Variants in RFX6 observed in about 807,000 individuals in gnomAD.
RFX6 encodes the protein DNA-binding protein RFX6.
In RFX6, 50 loss-of-function variants were observed where a neutral mutation model predicts 110.8. The observed-to-expected ratio is 0.45, with a 90% confidence interval of 0.36 to 0.57. The LOEUF (loss-of-function observed/expected upper bound fraction) is 0.57, where lower values mean the gene tolerates loss of function less well. RFX6 is among the 20% of genes least tolerant of loss of function. The pLI, the probability that RFX6 is intolerant of heterozygous loss-of-function variation, is 0.00. For synonymous variants in RFX6, 383 were observed against 411.2 expected (o/e 0.93, Z 0.83); for missense variants, 990 against 1,127.0 (o/e 0.88, Z 1.74).
At chr6:116,896,503 C>T (rs917870254) in intron 6 of RFX6, among the ~76,000 whole-genome samples, 5 of 152,040 alleles carry the variant, frequency 3.3e-5, no homozygotes, top group Non-Finnish European at 7.4e-5. Context: ...TTTCATAACA[C>T]AATTGAAATT....
chr6:116,890,207 C>T (rs1441692028), intron 4 of RFX6, among the ~76,000 whole-genome samples: 1 of 152,098 alleles, frequency 6.6e-6, no homozygotes, highest in Non-Finnish European at 1.5e-5. Context: ...AAACCCATAA[C>T]ATTTTTAAAC....
At position 116,925,897 on chromosome 6, in the gene RFX6, ATTAG is replaced by A. The variant is rs66592749; in HGVS notation, c.1885+242_1885+245del. ...ATAAATTATATTAGAAGTATGAATA[ATTAG>A]TTAATTTAGTGGAAGAAATAATTAG... On this transcript the variant is annotated intron_variant, in intron 16 of 18. Coordinates refer to ENST00000332958, the MANE Select transcript of RFX6 (RefSeq NM_173560.4). Among the ~76,000 whole-genome samples the A allele has an allele frequency of 0.24, 36,790 of 151,964 alleles. 4,790 individuals carry two copies. Among genetic ancestry groups the A allele is most frequent in the South Asian group, 0.42 (2,016 of 4,824 alleles).
chr6:116,929,589 A>G (rs1299962332), intron 18 of RFX6, among the ~76,000 whole-genome samples: 3 of 152,214 alleles, frequency 2.0e-5, no homozygotes, highest in Admixed American at 6.5e-5. Flanking sequence ...CAACCAGGTT[A>G]CATTTCTTAA....
At chr6:116,930,918 A>C (rs969844117) in intron 18 of RFX6, among the ~76,000 whole-genome samples, 1 of 152,130 alleles carries the variant, frequency 6.6e-6, no homozygotes, top group Non-Finnish European at 1.5e-5. Flanking sequence ...CTTCAGCAAT[A>C]TCATTCTGGT....
intron 6 of RFX6, among the ~76,000 whole-genome samples, chr6:116,902,127 A>C (rs1775088497): frequency 6.6e-6 from 1 of 152,064 alleles, no homozygotes; most frequent in East Asian, 1.9e-4. Flanking sequence ...AGTTTTAAAG[A>C]ACAGTATAAT....
chr6:116,902,465 A>G (rs1485165211), intron 6 of RFX6, among the ~76,000 whole-genome samples: 1 of 152,092 alleles, frequency 6.6e-6, no homozygotes, highest in Non-Finnish European at 1.5e-5. Context: ...TAAAATTTTT[A>G]TTCATAAATG....
chr6:116,928,428 T>C (rs1775801714), intron 17 of RFX6, among the ~76,000 whole-genome samples: 1 of 152,146 alleles, frequency 6.6e-6, no homozygotes, highest in African/African-American at 2.4e-5. Context: ...AGGTAGATCT[T>C]GTTAATTTAG....
At chr6:116,920,285 T>C (rs1240785286) in intron 11 of RFX6, 25 bp from the exon 12 acceptor site, 1 of 1,587,388 alleles carries the variant, frequency 6.3e-7, no homozygotes, top group Non-Finnish European at 8.7e-7. Context: ...TATAGTGTAG[T>C]GTCTTCTTTA....
Position 116,919,252 on chromosome 6 carries a change from G to GT in RFX6, c.1139dup (p.Ser381IlefsTer22), listed in dbSNP as rs1483596085. On this transcript the variant is annotated frameshift_variant, in exon 11 of 19. Coordinates refer to ENST00000332958, the MANE Select transcript of RFX6 (RefSeq NM_173560.4). LOFTEE classifies it high-confidence loss of function. ...GAAAATACCTATTGTGCGAAGATTT[G>GT]TATCTTCTCTGAAACGACAAACATC... The GT allele has an allele frequency of 1.2e-6, 2 of 1,613,358 alleles. No individual in the cohort carries two copies. The highest frequency in any genetic ancestry group is 1.7e-6 in the Non-Finnish European group (2 of 1,179,422).
intron 4 of RFX6, among the ~76,000 whole-genome samples, chr6:116,891,445 C>T (rs566513201): frequency 1.3e-5 from 2 of 152,306 alleles, no homozygotes; most frequent in African/African-American, 4.8e-5. Context: ...CAACGTTTAA[C>T]ATGTATTTCT....
At chr6:116,911,589 A>T (rs572666015) in intron 7 of RFX6, among the ~76,000 whole-genome samples, 1 of 152,210 alleles carries the variant, frequency 6.6e-6, no homozygotes, top group African/African-American at 2.4e-5. Context: ...ATAATTCTCA[A>T]TATGACTTTT....
At chr6:116,879,211 T>C (rs1774533687) in intron 2 of RFX6, among the ~76,000 whole-genome samples, 1 of 151,966 alleles carries the variant, frequency 6.6e-6, no homozygotes, top group African/African-American at 2.4e-5. Flanking sequence ...AGAAAAAACT[T>C]GTACCCCAAA....
At chr6:116,924,344 C>T (rs1775664163) in intron 14 of RFX6, among the ~76,000 whole-genome samples, 2 of 152,282 alleles carry the variant, frequency 1.3e-5, no homozygotes, top group African/African-American at 4.8e-5. Context: ...TTATCACACT[C>T]CAATGTGTGC....
At chr6:116,880,259 G>C (rs1301181669) in intron 2 of RFX6, among the ~76,000 whole-genome samples, 2 of 152,020 alleles carry the variant, frequency 1.3e-5, no homozygotes, top group Non-Finnish European at 2.9e-5. Context: ...GATGAACCAT[G>C]AGGTTTATAT....
intron 4 of RFX6, among the ~76,000 whole-genome samples, chr6:116,893,348 T>A (rs575465888): frequency 5.3e-5 from 8 of 152,240 alleles, no homozygotes; most frequent in Non-Finnish European, 1.0e-4. Context: ...TGAGTTGCTA[T>A]ACTTGTATTG....
intron 7 of RFX6, among the ~76,000 whole-genome samples, chr6:116,913,341 C>A (rs542017186): frequency 6.6e-6 from 1 of 152,290 alleles, no homozygotes; most frequent in African/African-American, 2.4e-5. Flanking sequence ...AGATTACAGG[C>A]GTAAGCCACC....
chr6:116,914,499 C>T (rs185186439), intron 7 of RFX6, among the ~76,000 whole-genome samples: 2 of 152,290 alleles, frequency 1.3e-5, no homozygotes, highest in Admixed American at 6.5e-5. Flanking sequence ...GTGTGTTACT[C>T]ATCCTCATTT....
chr6:116,927,029 C>A lies in RFX6; in HGVS notation c.1888C>A (p.Gln630Lys). The A allele has an allele frequency of 1.2e-6, 2 of 1,613,564 alleles. No individual in the cohort carries two copies. The highest frequency in any genetic ancestry group is 2.2e-5 in the South Asian group (2 of 91,024). ...AATGTTCTGGTGATTTTTTCCAGGT[C>A]AAATGGAGCTTTCACAGATTGCTGG... ...GNTDNMPLTGQMELSQIAGHL... is the reference protein window; with the variant it reads ...GNTDNMPLTGKMELSQIAGHL... Residue 630 changes from glutamine (Q) to lysine (K), a missense_variant and splice_region_variant, in exon 17 of 19, where the codon CAA (glutamine) becomes AAA (lysine). Physicochemically the swap from Gln to Lys is moderately conservative, Grantham distance 53. Transcript: ENST00000332958.
intron 1 of RFX6, 100 bp from the exon 2 acceptor site, chr6:116,877,694 CCA>C (rs1191414052): frequency 5.7e-6 from 7 of 1,224,852 alleles, no homozygotes; most frequent in Non-Finnish European, 8.2e-6. Flanking sequence ...CCCTCCGCCC[CCA>C]CCCCAGTAGG....
Sources: allele counts gnomAD v4.1 joint callset (sites outside exome capture counted in the v4.1 genomes callset), GRCh38; gene constraint gnomAD v4.1.1; transcripts MANE v1.5; gene names NCBI Gene and HGNC (gene_info 2026-07-23, HGNC 2026-07-21).